The following RTTN variants were observed in gnomAD, a reference collection of about 807,000 sequenced individuals.
The protein encoded by RTTN is rotatin.
A neutral mutation model predicts 269.2 loss-of-function variants in RTTN; 182 were observed. The ratio of observed to expected loss-of-function variants is 0.68; its 90% CI spans 0.60 to 0.76. RTTN has a LOEUF of 0.76. RTTN is among the 30% of genes least tolerant of loss of function. RTTN has a pLI of 0.00. For missense variants in RTTN, 2,545 were observed against 2,608.6 expected (o/e 0.98, Z 0.53); for synonymous variants, 1,006 against 963.5 (o/e 1.04, Z -0.82).
Position 70,150,097 on chromosome 18 carries a change from A to G in RTTN, c.2056-10T>C. The stretch of plus-strand genomic sequence containing the variant: ...TGGCAGCAGTGTTCACCTGCTCAAC[A>G]ACACAGACCCGATAAACCAGTCAAA... On this transcript the variant is annotated splice_polypyrimidine_tract_variant and intron_variant, in intron 15 of 48. Transcript: ENST00000640769. 1.3e-6 allele frequency: 2 copies of G among 1,569,710 alleles called. No individual in the cohort carries two copies. Among genetic ancestry groups the G allele is most frequent in the South Asian group, 2.2e-5 (2 of 90,024 alleles).
chr18:70,054,675 A>T (rs1205705819), intron 37 of RTTN, among the ~76,000 whole-genome samples: 1 of 152,148 alleles, frequency 6.6e-6, no homozygotes, highest in Non-Finnish European at 1.5e-5. Flanking sequence ...TCCACAAAAA[A>T]TATAAAAATT....
chr18:70,182,668 T>G lies in RTTN; in HGVS notation c.1305+5440A>C, dbSNP rs1270986010. The stretch of plus-strand genomic sequence containing the variant: ...AATGATTTATGATATTTTGAAATGT[T>G]AAAAAAGATATGTTTTCCAGTTACA... On this transcript the variant is annotated intron_variant, in intron 10 of 48. Coordinates refer to ENST00000640769, the MANE Select transcript of RTTN (RefSeq NM_173630.4). 2.0e-5 allele frequency among the ~76,000 whole-genome samples: 3 copies of G among 152,172 alleles called. No homozygotes were observed. In the East Asian group the frequency reaches 5.8e-4, roughly 29 times the overall value.
intron 14 of RTTN, among the ~76,000 whole-genome samples, chr18:70,155,306 C>T (rs2145829323): frequency 6.6e-6 from 1 of 152,232 alleles, no homozygotes; most frequent in Non-Finnish European, 1.5e-5. Context: ...CAAGAAAAAG[C>T]TACCCTGCCA....
intron 32 of RTTN, among the ~76,000 whole-genome samples, chr18:70,077,678 T>C (rs1175473813): frequency 6.6e-6 from 1 of 151,914 alleles, no homozygotes; most frequent in Non-Finnish European, 1.5e-5. Context: ...TAGTTCCTAT[T>C]AATATAAACA....
Position 70,148,940 on chromosome 18 carries a change from A to T in RTTN, c.2270T>A (p.Leu757Ter). ...TAGCAAAAGTCGCAGCATGGACTTT[A>T]ATCGGGTAGTACACGGAAGCATCTC... is the stretch of plus-strand genomic sequence containing the variant. ...TEEMLPCTTR[L>*]KSMLRLLLVK... Residue 757 changes from leucine to a stop codon, truncating the protein, a stop_gained, in exon 17 of 49, where the codon TTA (leucine) becomes TAA (stop). Transcript: ENST00000640769. LOFTEE classifies it high-confidence loss of function. 1 of 1,613,634 alleles carries T rather than the reference A, an allele frequency of 6.2e-7. No individual in the cohort carries two copies.
intron 40 of RTTN, among the ~76,000 whole-genome samples, chr18:70,035,808 C>T (rs969656078): frequency 4.6e-5 from 7 of 152,106 alleles, no homozygotes; most frequent in African/African-American, 1.7e-4. Context: ...GCAAACTATG[C>T]ATCAGACAAA....
intron 32 of RTTN, among the ~76,000 whole-genome samples, chr18:70,075,882 T>C (rs1203533534): frequency 6.6e-6 from 1 of 152,060 alleles, no homozygotes; most frequent in Non-Finnish European, 1.5e-5. Flanking sequence ...TCAACCTACA[T>C]ATAATAGTAA....
rs2059092416 is a variant in RTTN, at chr18:70,099,331, C to A, written c.3904-6527G>T. On this transcript the variant is annotated intron_variant, in intron 28 of 48. Transcript: ENST00000640769. ...CTCATTGTCGTTTTGATTTGCATTT[C>A]TCCGATGATGAGCATTCTTTCATGT... is the stretch of plus-strand genomic sequence containing the variant. 2.0e-5 allele frequency among the ~76,000 whole-genome samples: 3 copies of A among 152,054 alleles called. No individual in the cohort carries two copies. In the South Asian group the frequency reaches 6.3e-4, roughly 32 times the overall value.
At chr18:70,083,653 T>C (rs1178788970) in intron 32 of RTTN, among the ~76,000 whole-genome samples, 1 of 152,182 alleles carries the variant, frequency 6.6e-6, no homozygotes, top group Non-Finnish European at 1.5e-5. Flanking sequence ...TTACTTCCTA[T>C]CTTGTCCGAG....
intron 28 of RTTN, among the ~76,000 whole-genome samples, chr18:70,103,433 G>C (rs1385020559): frequency 1.3e-5 from 2 of 152,134 alleles, no homozygotes; most frequent in African/African-American, 4.8e-5. Flanking sequence ...TCTGCCTTGG[G>C]ATGCTGTTAA....
intron 11 of RTTN, among the ~76,000 whole-genome samples, chr18:70,173,489 C>G (rs1442117172): frequency 3.9e-5 from 4 of 103,168 alleles, no homozygotes; most frequent in Middle Eastern, 6.9e-3. Context: ...AAGACTCCAA[C>G]TCAAAAAAAA....
intron 27 of RTTN, among the ~76,000 whole-genome samples, chr18:70,112,364 T>C (rs567338669): frequency 1.1e-4 from 16 of 150,582 alleles, no homozygotes; most frequent in East Asian, 3.9e-4. Context: ...GACTGGCAAA[T>C]TGGATAAAGA....
chr18:70,187,492 A>G (rs1172261254), intron 10 of RTTN, among the ~76,000 whole-genome samples: 1 of 152,148 alleles, frequency 6.6e-6, no homozygotes, highest in Non-Finnish European at 1.5e-5. Context: ...TATGAAGAAA[A>G]AACAATTCCC....
intron 26 of RTTN, among the ~76,000 whole-genome samples, chr18:70,116,275 A>C (rs2059601368): frequency 6.6e-6 from 1 of 152,028 alleles, no homozygotes; most frequent in South Asian, 2.1e-4. Flanking sequence ...AGGAATTATT[A>C]ATTCTGATAT....
intron 36 of RTTN, among the ~76,000 whole-genome samples, chr18:70,058,136 C>T (rs1394753872): frequency 6.6e-6 from 1 of 152,098 alleles, no homozygotes; most frequent in Non-Finnish European, 1.5e-5. Context: ...TAACAGGAAA[C>T]TTGGTGGTTA....
chr18:70,017,900 T>C (rs2056589704), intron 45 of RTTN, among the ~76,000 whole-genome samples: 1 of 152,188 alleles, frequency 6.6e-6, no homozygotes, highest in East Asian at 1.9e-4. Context: ...TATTTCCTCA[T>C]GATGGATGAA....
intron 28 of RTTN, among the ~76,000 whole-genome samples, chr18:70,108,326 G>C (rs892580368): frequency 4.7e-5 from 7 of 149,758 alleles, no homozygotes; most frequent in African/African-American, 1.7e-4. Flanking sequence ...TTCCCAAAAA[G>C]AAAACTGCAA....
At chr18:70,072,936 T>A (rs1170329252) in intron 34 of RTTN, among the ~76,000 whole-genome samples, 1 of 152,124 alleles carries the variant, frequency 6.6e-6, no homozygotes, top group South Asian at 2.1e-4. Context: ...AGGTCCAATG[T>A]AGCACTAAAC....
Position 70,176,687 on chromosome 18 carries a change from G to T in RTTN, c.1464C>A (p.Leu488=), listed in dbSNP as rs2061310304. 6.2e-7 allele frequency: 1 copy of T among 1,613,092 alleles called. No homozygotes were observed. The highest frequency in any genetic ancestry group is 1.1e-5 in the South Asian group (1 of 90,792). Residue 488 remains leucine (L), a synonymous_variant, in exon 11 of 49, where the codon CTC becomes CTA. Coordinates refer to ENST00000640769, the MANE Select transcript of RTTN (RefSeq NM_173630.4). ...LFAVRLLQTL[L]PVEKASEFLS... ...TTGCCTGCCTTACCTTTTCAACAGG[G>T]AGAAGCGTTTGTAGCAGTCGAACTG...
Sources: allele counts gnomAD v4.1 joint callset (sites outside exome capture counted in the v4.1 genomes callset), GRCh38; gene constraint gnomAD v4.1.1; transcripts MANE v1.5; gene names NCBI Gene and HGNC (gene_info 2026-07-23, HGNC 2026-07-21).